Variants in MYO7A observed in about 807,000 individuals in gnomAD.
The protein encoded by MYO7A is myosin VIIA.
A neutral mutation model predicts 263.8 loss-of-function variants in MYO7A; 210 were observed. The observed-to-expected ratio is 0.80, with a 90% CI of 0.71 to 0.89. MYO7A has a LOEUF of 0.89. Among genes scored for constraint, MYO7A ranks in the 40% least tolerant of loss-of-function variants. The pLI is 0.00. For missense variants in MYO7A, 2,820 were observed against 2,968.3 expected (o/e 0.95, Z 1.16); for synonymous variants, 1,239 against 1,197.3 (o/e 1.03, Z -0.72).
intron 23 of MYO7A, among the ~76,000 whole-genome samples, 167 bp from the exon 24 acceptor site, chr11:77,181,784 T>G (rs1281332028): frequency 5.2e-5 from 7 of 133,490 alleles, no homozygotes; most frequent in Middle Eastern, 3.5e-3. Context: ...TTTTTGTTTT[T>G]TTTTTTTTTT....
chr11:77,198,362 C>G, intron 33 of MYO7A, 133 bp from the exon 34 acceptor site: 1 of 1,228,886 alleles, frequency 8.1e-7, no homozygotes, highest in Non-Finnish European at 1.1e-6. Flanking sequence ...CGAGTTTGTG[C>G]TCTCTGAGCC....
chr11:77,181,732 TC>T, intron 23 of MYO7A, 143 bp downstream of exon 23: 1 of 833,568 alleles, frequency 1.2e-6, no homozygotes, highest in Admixed American at 2.9e-5. Context: ...GGGCTGCAGG[TC>T]CCAGGTCCTG....
rs1951020726 is a variant in MYO7A, at chr11:77,138,656, G to A, written c.19-4053G>A. ...CATCTGGGAAACCCAAGCCAGGCAG[G>A]CCAGGTCTGGGCGGGGGTGTCCTGC... is the stretch of plus-strand genomic sequence containing the variant. On this transcript the variant is annotated intron_variant, in intron 2 of 48. Transcript: ENST00000409709. This position sits in a 1 kb window ranked among gnomAD's most constrained non-coding sequence, Gnocchi z 4.9. 6.6e-6 allele frequency among the ~76,000 whole-genome samples: 1 copy of A among 152,164 alleles called. No individual in the cohort carries two copies. The highest frequency in any genetic ancestry group is 2.1e-4 in the South Asian group (1 of 4,832).
At position 77,190,832 on chromosome 11, in the gene MYO7A, C is replaced by T. The variant is rs773004793; in HGVS notation, c.3886C>T (p.Arg1296Trp). ...GGCCGACAAGATCTCTCTCAAGGAC[C>T]GGTTCGGGTTCTCCCTCTACATTGC... ...ALADKISLKD[R>W]FGFSLYIALF... Residue 1296 changes from arginine (R) to tryptophan (W), a missense_variant, in exon 30 of 49, where the codon CGG becomes TGG. Transcript: ENST00000409709. The T allele has an allele frequency of 2.1e-5, 33 of 1,587,560 alleles. No individual in the cohort carries two copies. The highest frequency in any genetic ancestry group is 4.0e-5 in the African/African-American group (3 of 74,256).
chr11:77,149,875 G>A (rs1405322173), intron 4 of MYO7A, among the ~76,000 whole-genome samples: 1 of 152,186 alleles, frequency 6.6e-6, no homozygotes, highest in Non-Finnish European at 1.5e-5. Flanking sequence ...CCAGCCAGCA[G>A]GGAGGAGCTA....
In MYO7A at chr11:77,147,956, T is replaced by G; in HGVS notation, c.285+6T>G. 1 of 1,538,174 alleles carries G rather than the reference T, an allele frequency of 6.5e-7. No homozygotes were observed. Among genetic ancestry groups the G allele is most frequent in the Non-Finnish European group, 8.8e-7 (1 of 1,140,650 alleles). On this transcript the variant is annotated splice_donor_region_variant and intron_variant, in intron 4 of 48. Coordinates refer to ENST00000409709, the MANE Select transcript of MYO7A (RefSeq NM_000260.4). ...ACCGGGACCACCTCATCTACGTGAG[T>G]GCCGCCCCGCCCGGTGCCCGTCCAG...
chr11:77,163,026 G>A (rs199576086), intron 14 of MYO7A, 38 bp downstream of exon 14: 506 of 1,606,782 alleles, frequency 3.1e-4, no homozygotes, highest in Non-Finnish European at 4.1e-4. Flanking sequence ...CTCCCTGCCC[G>A]TGGCCCTGCC....
chr11:77,143,275 A>G (rs113192605), intron 3 of MYO7A, among the ~76,000 whole-genome samples: 2,323 of 152,344 alleles, frequency 0.015, 51 homozygotes, highest in African/African-American at 0.054. Context: ...CTGTTGACCC[A>G]TACATGAGAT....
At chr11:77,184,755 T>C in intron 27 of MYO7A, 40 bp downstream of exon 27, 4 of 1,583,676 alleles carry the variant, frequency 2.5e-6, no homozygotes, top group Non-Finnish European at 3.4e-6. Flanking sequence ...CCTGAAAGTC[T>C]TTTGGTGGCT....
intron 46 of MYO7A, 36 bp from the exon 47 acceptor site, chr11:77,212,916 G>A (rs1299943972): frequency 2.0e-6 from 3 of 1,481,586 alleles, no homozygotes; most frequent in Admixed American, 1.9e-5. Flanking sequence ...TCTTGCTCTG[G>A]GCCCCCATCT....
chr11:77,197,744 C>T, intron 33 of MYO7A, 146 bp downstream of exon 33: 1 of 593,068 alleles, frequency 1.7e-6, no homozygotes, highest in Non-Finnish European at 3.0e-6. Flanking sequence ...CTCAGGTACC[C>T]CACAGCCTGC....
At chr11:77,202,868 T>C (rs1957166530) in intron 37 of MYO7A, among the ~76,000 whole-genome samples, 192 bp from the exon 38 acceptor site, 1 of 148,586 alleles carries the variant, frequency 6.7e-6, no homozygotes, top group African/African-American at 2.5e-5. Flanking sequence ...GTTTCACAGC[T>C]GAGAAAGAAA....
chr11:77,134,613 G>A (rs980811926), intron 2 of MYO7A, among the ~76,000 whole-genome samples: 17 of 151,874 alleles, frequency 1.1e-4, no homozygotes, highest in Admixed American at 2.6e-4. Context: ...GAGTACAGGC[G>A]CCTATCACTG....
intron 40 of MYO7A, 99 bp from the exon 41 acceptor site, chr11:77,205,998 C>T (rs1324123729): frequency 8.9e-6 from 8 of 901,742 alleles, no homozygotes; most frequent in East Asian, 5.3e-5. Context: ...AAGTGGCAGG[C>T]GGGGATCAGA....
intron 25 of MYO7A, 112 bp from the exon 26 acceptor site, chr11:77,182,956 C>G: frequency 3.2e-6 from 3 of 927,734 alleles, no homozygotes; most frequent in Non-Finnish European, 1.7e-6. Flanking sequence ...GTGGGGGACA[C>G]CCTGTAAGCT....
In MYO7A at chr11:77,202,393, A is replaced by G. The variant is rs1280695008; in HGVS notation, c.5137A>G (p.Thr1713Ala). Residue 1713 changes from threonine to alanine, a missense_variant, in exon 37 of 49, where the codon ACG (threonine) becomes GCG (alanine). Transcript: ENST00000409709. ...AEPEVRAKPY[T>A]LEEFSYDYFR... Reference sequence around the variant, plus strand: ...GCCCGAGGTGCGTGCCAAGCCCTACACGCTGGAGGAGTTTTCCTATGACTA... The same window carrying G: ...GCCCGAGGTGCGTGCCAAGCCCTACGCGCTGGAGGAGTTTTCCTATGACTA... 6.4e-7 allele frequency: 1 copy of G among 1,554,464 alleles called. No homozygotes were observed. Among genetic ancestry groups the G allele is most frequent in the Non-Finnish European group, 8.7e-7 (1 of 1,148,700 alleles).
At chr11:77,187,951 G>A (rs1446066769) in intron 27 of MYO7A, among the ~76,000 whole-genome samples, 2 of 152,186 alleles carry the variant, frequency 1.3e-5, no homozygotes, top group Admixed American at 1.3e-4. Context: ...CACCGGGGTG[G>A]CCACACTGCC....
At chr11:77,203,723 G>C (rs1957240134) in intron 38 of MYO7A, among the ~76,000 whole-genome samples, 1 of 152,170 alleles carries the variant, frequency 6.6e-6, no homozygotes, top group African/African-American at 2.4e-5. Flanking sequence ...CAGGGCTCCG[G>C]GGCTTCAGCA....
chr11:77,172,910 G>A (rs1555077386), intron 16 of MYO7A, 25 bp downstream of exon 16: 22 of 1,538,370 alleles, frequency 1.4e-5, no homozygotes, highest in Admixed American at 9.9e-5. Flanking sequence ...CCTGGGGTTG[G>A]CGGGTGGCGG....
Sources: gnomAD v4.1 joint callset for allele counts (sites outside exome capture counted in the v4.1 genomes callset) on GRCh38, gnomAD v4.1.1 for gene constraint, Gnocchi (gnomAD v3.1) non-coding constraint, MANE v1.5 for transcripts, NCBI Gene and HGNC (gene_info 2026-07-23, HGNC 2026-07-21) for gene names.